The following KMT5B variants were observed in gnomAD, a reference collection of about 807,000 sequenced individuals.
KMT5B encodes the protein lysine methyltransferase 5B, also known as histone-lysine N-methyltransferase KMT5B.
Under a neutral mutation model 83.2 loss-of-function variants are expected in KMT5B, and 10 were observed. The ratio of observed to expected loss-of-function variants is 0.12; its 90% CI spans 0.07 to 0.20. KMT5B has a LOEUF of 0.20. KMT5B is among the 10% of genes least tolerant of loss of function. The probability of loss-of-function intolerance (pLI) is 1.00; values close to 1 mark genes in which losing one functional copy is unlikely to be tolerated. For missense variants in KMT5B, 753 were observed against 1,067.2 expected (o/e 0.71, Z 4.10); for synonymous variants, 349 against 388.8 (o/e 0.90, Z 1.20).
intron 4 of KMT5B, among the ~76,000 whole-genome samples, chr11:68,178,126 G>A (rs537181127): frequency 2.6e-5 from 4 of 152,326 alleles, no homozygotes; most frequent in Admixed American, 1.3e-4. Flanking sequence ...TATCCATGCC[G>A]TTAAATGACA....
chr11:68,190,888 T>C (rs1313559194), intron 1 of KMT5B, among the ~76,000 whole-genome samples: 1 of 152,086 alleles, frequency 6.6e-6, no homozygotes, highest in African/African-American at 2.4e-5. Context: ...GAGGCTGAGA[T>C]GGGAGGTCAA....
intron 1 of KMT5B, among the ~76,000 whole-genome samples, chr11:68,211,002 C>T (rs1860823918): frequency 6.6e-6 from 1 of 152,208 alleles, no homozygotes; most frequent in Admixed American, 6.5e-5. Flanking sequence ...TTCCTGTGGA[C>T]AGGGAGCTGC....
intron 1 of KMT5B, among the ~76,000 whole-genome samples, chr11:68,208,052 T>C (rs1860386640): frequency 6.7e-6 from 1 of 150,164 alleles, no homozygotes; most frequent in African/African-American, 2.4e-5. Flanking sequence ...TTGGCCAGGA[T>C]GGTCTTGAAC....
rs1328596298 is a variant in KMT5B, at chr11:68,156,682, C to T, written c.*1006G>A. ...TACAACATATACATTGTTTTCAGTT[C>T]TTTACATTGAATCTCAAAGACAAAC... On this transcript the variant is annotated 3_prime_UTR_variant, in exon 11 of 11. Coordinates refer to ENST00000304363, the MANE Select transcript of KMT5B (RefSeq NM_017635.5). 1 of 152,584 alleles carries T rather than the reference C, an allele frequency of 6.6e-6. No individual in the cohort carries two copies. Among genetic ancestry groups the T allele is most frequent in the Non-Finnish European group, 1.5e-5 (1 of 68,018 alleles). 9.5% of individuals were successfully genotyped at this position (152,584 alleles called of 1,614,324 possible).
chr11:68,166,528 A>G (rs1366288511), intron 10 of KMT5B: 1 of 1,004,852 alleles, frequency 1.0e-6, no homozygotes. Flanking sequence ...GTCAGCAAGC[A>G]ATGAAAAGGT....
chr11:68,182,122 A>T (rs1856992912), intron 3 of KMT5B, among the ~76,000 whole-genome samples: 1 of 152,244 alleles, frequency 6.6e-6, no homozygotes, highest in South Asian at 2.1e-4. Context: ...GTGCATTTTA[A>T]CTTAGGAGTC....
rs141910433 is a variant in KMT5B, at chr11:68,168,034, G to A, written c.978-856C>T. On this transcript the variant is annotated intron_variant, in intron 9 of 10. Coordinates refer to ENST00000304363, the MANE Select transcript of KMT5B (RefSeq NM_017635.5). ...TAAAAATACAAAAAAAAATTAGCCCGGCGTGATGGCAGGCGCCTGTAGTCC... is the reference window on the plus strand; with the variant it reads ...TAAAAATACAAAAAAAAATTAGCCCAGCGTGATGGCAGGCGCCTGTAGTCC... 8.1e-3 allele frequency among the ~76,000 whole-genome samples: 1,237 copies of A among 152,192 alleles called. 7 individuals carry two copies. The highest frequency in any genetic ancestry group is 0.013 in the South Asian group (62 of 4,816).
At position 68,157,605 on chromosome 11, in the gene KMT5B, C is replaced by T. The variant is rs905313605; in HGVS notation, c.*83G>A. On this transcript the variant is annotated 3_prime_UTR_variant, in exon 11 of 11. Coordinates refer to ENST00000304363, the MANE Select transcript of KMT5B (RefSeq NM_017635.5). ...TGAAGGGACAATAGAAGTGCTGCCA[C>T]TAAACTTTCAGTTGAGGAATAATTG... The T allele has an allele frequency of 2.0e-6, 3 of 1,481,244 alleles. No individual in the cohort carries two copies. In the African/African-American group the frequency reaches 4.2e-5, roughly 21 times the overall value. The allele number at this position is 1,481,244 out of a possible 1,614,324, so 91.8% of individuals were successfully genotyped here. A position where few individuals can be genotyped will look rare whatever the true frequency, so the allele number is the denominator to read the frequency against.
chr11:68,170,875 C>A (rs939698265), intron 9 of KMT5B, 140 bp downstream of exon 9: 3 of 843,648 alleles, frequency 3.6e-6, no homozygotes, highest in Non-Finnish European at 5.3e-6. Flanking sequence ...TTTGTTCATA[C>A]ACACTGCACC....
chr11:68,208,642 A>G (rs1860484066), intron 1 of KMT5B, among the ~76,000 whole-genome samples: 1 of 152,202 alleles, frequency 6.6e-6, no homozygotes, highest in South Asian at 2.1e-4. Flanking sequence ...AGACTAATGT[A>G]AGAATGGACT....
chr11:68,160,685 A>G (rs1053132975), intron 10 of KMT5B, among the ~76,000 whole-genome samples: 4 of 152,196 alleles, frequency 2.6e-5, no homozygotes, highest in Admixed American at 2.6e-4. Flanking sequence ...ATGCATCACA[A>G]CATTCCAAAA....
At chr11:68,160,490 G>A (rs1355232105) in intron 10 of KMT5B, among the ~76,000 whole-genome samples, 1 of 152,148 alleles carries the variant, frequency 6.6e-6, no homozygotes, top group Non-Finnish European at 1.5e-5. Flanking sequence ...ATCAGAACAG[G>A]GAGGATAAAA....
intron 10 of KMT5B, among the ~76,000 whole-genome samples, chr11:68,161,845 T>C (rs1228783414): frequency 3.9e-5 from 6 of 152,104 alleles, no homozygotes; most frequent in African/African-American, 9.7e-5. Context: ...CTATTACCAC[T>C]TACAGGCTGA....
rs199863595 is a variant in KMT5B at position 68,164,701 on chromosome 11, A to C, written c.1174+2281T>G. 219 of 511,958 alleles carry C rather than the reference A, an allele frequency of 4.3e-4. 2 individuals are homozygous for C. Among genetic ancestry groups the C allele is most frequent in the South Asian group, 3.1e-3 (213 of 69,824 alleles). 31.7% of individuals were successfully genotyped at this position (511,958 alleles called of 1,614,324 possible). On this transcript the variant is annotated intron_variant, in intron 10 of 10. Coordinates refer to ENST00000304363, the MANE Select transcript of KMT5B (RefSeq NM_017635.5). ...ATGCTGCAGAAAGGGAATTTGAATA[A>C]GCCAAGCACCCCAATATCAGCAGTC...
chr11:68,203,665 C>T (rs1333989402), intron 1 of KMT5B, among the ~76,000 whole-genome samples: 5 of 152,144 alleles, frequency 3.3e-5, no homozygotes, highest in African/African-American at 9.7e-5. Flanking sequence ...CACGAATTCA[C>T]GTTCATACCT....
rs903829532 is a variant in KMT5B, at chr11:68,210,221, G to A, written c.-77+2917C>T. On this transcript the variant is annotated intron_variant, in intron 1 of 10. Coordinates refer to ENST00000304363, the MANE Select transcript of KMT5B (RefSeq NM_017635.5). The stretch of plus-strand genomic sequence containing the variant: ...TAGAAATGCAACTGGCATTGTAGGA[G>A]TCATACAGGCCCCCAATCAAGCTTT... Among the ~76,000 whole-genome samples the A allele has an allele frequency of 9.3e-5, 14 of 150,804 alleles. No individual in the cohort carries two copies. In the East Asian group the frequency reaches 2.7e-3, roughly 30 times the overall value.
intron 10 of KMT5B, among the ~76,000 whole-genome samples, chr11:68,165,083 A>G (rs1417961638): frequency 6.6e-6 from 1 of 152,244 alleles, no homozygotes; most frequent in Non-Finnish European, 1.5e-5. Flanking sequence ...CAGTAGCTAT[A>G]CACCAGTAAT....
chr11:68,202,117 CTTTA>C (rs1859516182), intron 1 of KMT5B, among the ~76,000 whole-genome samples: 2 of 151,970 alleles, frequency 1.3e-5, no homozygotes, highest in African/African-American at 4.8e-5. Context: ...TTTCATAAAT[CTTTA>C]TTTAGAAAGG....
intron 4 of KMT5B, among the ~76,000 whole-genome samples, chr11:68,179,313 T>C (rs1050922668): frequency 2.2e-4 from 33 of 152,208 alleles, no homozygotes; most frequent in African/African-American, 8.0e-4. Flanking sequence ...CCTCCCTTAA[T>C]AGAAAATTTG....
Sources: gnomAD v4.1 joint callset for allele counts (sites outside exome capture counted in the v4.1 genomes callset) on GRCh38, gnomAD v4.1.1 for gene constraint, MANE v1.5 for transcripts, NCBI Gene and HGNC (gene_info 2026-07-23, HGNC 2026-07-21) for gene names.